Variants in C9orf85 observed in about 807,000 individuals in gnomAD.
C9orf85 encodes uncharacterized protein C9orf85.
C9orf85 carries 16 observed loss-of-function variants against 14.9 expected under a neutral mutation model. The observed-to-expected ratio is 1.08, with a 90% confidence interval of 0.73 to 1.63. C9orf85 has a LOEUF of 1.63. Ranked by LOEUF, C9orf85 falls within the 40% of genes most tolerant of loss-of-function variation. C9orf85 has a pLI of 0.00. For synonymous variants in C9orf85, 45 were observed against 56.8 expected, an observed-to-expected ratio of 0.79 and a Z score of 0.93; for missense variants, 172 against 186.1, an observed-to-expected ratio of 0.92 and a Z score of 0.44.
chr9:71,917,780 G>C (rs1827688666), intron 1 of C9orf85, among the ~76,000 whole-genome samples: 1 of 152,154 alleles, frequency 6.6e-6, no homozygotes, highest in African/African-American at 2.4e-5. Context: ...GAGCAGTGAA[G>C]ATTATAAGAG....
At chr9:71,966,283 A>G (rs1822688491) in intron 2 of C9orf85, among the ~76,000 whole-genome samples, 1 of 152,204 alleles carries the variant, frequency 6.6e-6, no homozygotes, top group South Asian at 2.1e-4. Flanking sequence ...TTCATTGCTC[A>G]ATTAAACTCC....
chr9:71,956,544 C>T (rs545336276), intron 2 of C9orf85, among the ~76,000 whole-genome samples: 156 of 152,146 alleles, frequency 1.0e-3, no homozygotes, highest in Non-Finnish European at 2.0e-3. Flanking sequence ...CCACTGCACC[C>T]GGCCCACAAA....
At chr9:71,963,161 T>C (rs971080612) in intron 2 of C9orf85, among the ~76,000 whole-genome samples, 1 of 152,228 alleles carries the variant, frequency 6.6e-6, no homozygotes, top group Non-Finnish European at 1.5e-5. Context: ...CAGTGATTAC[T>C]AGTATAATTT....
At chr9:71,919,437 C>T (rs762472608) in intron 1 of C9orf85, among the ~76,000 whole-genome samples, 3 of 152,204 alleles carry the variant, frequency 2.0e-5, no homozygotes, top group South Asian at 2.1e-4. Context: ...CCATCTCTGA[C>T]GTTCTACAGA....
chr9:71,974,013 A>G (rs1822957073), downstream of C9orf85, among the ~76,000 whole-genome samples: 1 of 151,320 alleles, frequency 6.6e-6, no homozygotes, highest in Admixed American at 6.6e-5. Context: ...TGCAACCTCC[A>G]CCTCCTGGGT....
chr9:71,930,515 CCAGG>C (rs1351119730), intron 1 of C9orf85, among the ~76,000 whole-genome samples: 1 of 151,928 alleles, frequency 6.6e-6, no homozygotes, highest in African/African-American at 2.4e-5. Context: ...CAGAAACAGG[CCAGG>C]CATGTTGGCT....
At position 71,967,713 on chromosome 9, in the gene C9orf85, C is replaced by CTTTTTT. The variant is rs55750667; in HGVS notation, c.210-3775_210-3770dup. Among the ~76,000 whole-genome samples, 385 of 94,034 alleles carry CTTTTTT rather than the reference C, an allele frequency of 4.1e-3. 2 individuals are homozygous for CTTTTTT. Among genetic ancestry groups the CTTTTTT allele is most frequent in the African/African-American group, 0.014 (300 of 20,880 alleles). The allele number at this position is 94,034 out of a possible 152,430, so 61.7% of individuals were successfully genotyped here. ...CTTCTTTTCAATCTCTATGACCTTTCTTTTTTTTTTTTTTTTTTTTTTGGC... is the reference window on the plus strand; with the variant it reads ...CTTCTTTTCAATCTCTATGACCTTTCTTTTTTTTTTTTTTTTTTTTTTTTTTTTGGC... On this transcript the variant is annotated intron_variant, in intron 2 of 3. Transcript: ENST00000334731.
chr9:71,959,978 A>G (rs1822474214), intron 2 of C9orf85, among the ~76,000 whole-genome samples: 3 of 152,252 alleles, frequency 2.0e-5, no homozygotes, highest in Admixed American at 6.5e-5. Flanking sequence ...GAAGATAGCA[A>G]ATGAATCTGT....
chr9:71,985,101 G>A (rs955928586), downstream of C9orf85: 1 of 152,212 alleles, frequency 6.6e-6, no homozygotes, highest in African/African-American at 2.4e-5. Context: ...GCTTTCTCAG[G>A]ATGTTTACGT....
intron 1 of C9orf85, 132 bp downstream of exon 1, chr9:71,911,968 C>A (rs1827508923): frequency 3.9e-6 from 3 of 778,032 alleles, no homozygotes; most frequent in Non-Finnish European, 6.9e-6. Flanking sequence ...GGCTGCAGTG[C>A]AACTCTTTCT....
chr9:71,934,475 CAT>C (rs922775904), intron 1 of C9orf85, among the ~76,000 whole-genome samples: 19 of 152,182 alleles, frequency 1.2e-4, no homozygotes, highest in Non-Finnish European at 4.4e-5. Context: ...AAAATTTAAA[CAT>C]GTTTTTGCAT....
chr9:71,962,289 A>G (rs1822540194), intron 2 of C9orf85, among the ~76,000 whole-genome samples: 1 of 152,242 alleles, frequency 6.6e-6, no homozygotes, highest in Non-Finnish European at 1.5e-5. Context: ...GAACTGTGTA[A>G]TAAGTTCTTA....
At chr9:71,974,928 CT>C (rs1244135709), downstream of C9orf85, among the ~76,000 whole-genome samples, 1 of 152,090 alleles carries the variant, frequency 6.6e-6, no homozygotes, top group Non-Finnish European at 1.5e-5. Flanking sequence ...GGCTATTTCA[CT>C]TTTGATAATA....
Position 71,967,762 on chromosome 9 carries a change from C to G in C9orf85, c.210-3743C>G, listed in dbSNP as rs1406801189. Among the ~76,000 whole-genome samples, 156 of 140,918 alleles carry G rather than the reference C, an allele frequency of 1.1e-3. 1 individual carries two copies. Among genetic ancestry groups the G allele is most frequent in the Non-Finnish European group, 2.9e-4 (19 of 66,518 alleles). 92.4% of individuals were successfully genotyped at this position (140,918 alleles called of 152,430 possible). A position where few individuals can be genotyped will look rare whatever the true frequency, so the allele number is the denominator to read the frequency against. On this transcript the variant is annotated intron_variant, in intron 2 of 3. Coordinates refer to ENST00000334731, the MANE Select transcript of C9orf85 (RefSeq NM_182505.5). ...GCTGCCATTGCACTGCCTAGGACCT[C>G]CAATATCATGCTGAAAAGGAGTGTT...
intron 2 of C9orf85, among the ~76,000 whole-genome samples, chr9:71,962,992 G>A (rs2132340194): frequency 6.6e-6 from 1 of 152,190 alleles, no homozygotes; most frequent in East Asian, 1.9e-4. Flanking sequence ...GGAAGTGGAG[G>A]TTGCAGTGAG....
intron 2 of C9orf85, among the ~76,000 whole-genome samples, chr9:71,964,628 G>C (rs1356357921): frequency 2.0e-5 from 3 of 151,940 alleles, no homozygotes; most frequent in African/African-American, 7.3e-5. Context: ...ACATCAGAAG[G>C]AACAAACTCC....
chr9:71,967,713 C>CT (rs55750667), intron 2 of C9orf85, among the ~76,000 whole-genome samples: 4,958 of 94,086 alleles, frequency 0.053, 194 homozygotes, highest in African/African-American at 0.12. Context: ...TATGACCTTT[C>CT]TTTTTTTTTT....
chr9:71,936,909 C>T (rs1189140874), intron 1 of C9orf85, among the ~76,000 whole-genome samples: 2 of 151,896 alleles, frequency 1.3e-5, no homozygotes, highest in African/African-American at 4.8e-5. Context: ...CAGGTGTGCA[C>T]CACCTTGCCT....
chr9:71,965,453 G>A (rs901708579), intron 2 of C9orf85, among the ~76,000 whole-genome samples: 5 of 152,094 alleles, frequency 3.3e-5, no homozygotes, highest in African/African-American at 1.2e-4. Flanking sequence ...TGTCAAGGGC[G>A]GGCTAGAATC....
Sources: allele counts gnomAD v4.1 joint callset (sites outside exome capture counted in the v4.1 genomes callset), GRCh38; gene constraint gnomAD v4.1.1; transcripts MANE v1.5; gene names NCBI Gene and HGNC (gene_info 2026-07-23, HGNC 2026-07-21).